Variants in TTL observed in about 807,000 individuals in gnomAD.
TTL encodes the protein tubulin--tyrosine ligase.
TTL carries 10 observed loss-of-function variants against 41.1 expected under a neutral mutation model. The observed-to-expected ratio is 0.24, with a 90% CI of 0.15 to 0.41. The LOEUF is 0.41. Ranked by LOEUF, TTL falls within the 10% of genes least tolerant of loss-of-function variation. The probability of loss-of-function intolerance (pLI) is 1.00; values close to 1 mark genes in which losing one functional copy is unlikely to be tolerated. For missense variants in TTL, 367 were observed against 460.4 expected (o/e 0.80, Z 1.86); for synonymous variants, 175 against 175.5 (o/e 1.00, Z 0.02).
At chr2:112,514,946 C>T (rs187402791) in intron 5 of TTL, among the ~76,000 whole-genome samples, 1 of 152,236 alleles carries the variant, frequency 6.6e-6, no homozygotes, top group East Asian at 1.9e-4. Flanking sequence ...TTTGCTAATC[C>T]TTTCTTTATC....
chr2:112,514,107 G>A (rs1384240313), intron 5 of TTL, among the ~76,000 whole-genome samples: 1 of 152,016 alleles, frequency 6.6e-6, no homozygotes, highest in Non-Finnish European at 1.5e-5. Flanking sequence ...TTTTAGGCCA[G>A]GCGCGGCACC....
At chr2:112,483,421 T>A (rs560541363) in intron 1 of TTL, 7 of 152,378 alleles carry the variant, frequency 4.6e-5, no homozygotes, top group South Asian at 4.1e-4. Context: ...AATTGCATCT[T>A]CTCTCCGGGG....
chr2:112,499,904 A>G (rs1278627922), intron 3 of TTL, among the ~76,000 whole-genome samples: 1 of 152,262 alleles, frequency 6.6e-6, no homozygotes, highest in Non-Finnish European at 1.5e-5. Flanking sequence ...AATTGAAAAT[A>G]TATGTTCATA....
intron 2 of TTL, among the ~76,000 whole-genome samples, chr2:112,491,195 G>A (rs1463510165): frequency 1.3e-5 from 2 of 151,860 alleles, no homozygotes; most frequent in Admixed American, 6.6e-5. Context: ...GTTTCACCGC[G>A]TTAGCCAGGA....
chr2:112,534,019 A>C lies in TTL; in HGVS notation c.*5224A>C, dbSNP rs920785804. ...AGAACACTAGCAAAACTGTCTAGAC[A>C]TTAACCAGAGGCTTGCAGCAATCCA... On this transcript the variant is annotated 3_prime_UTR_variant, in exon 7 of 7. Coordinates refer to ENST00000233336, the MANE Select transcript of TTL (RefSeq NM_153712.5). 6.6e-6 allele frequency: 1 copy of C among 152,204 alleles called. No homozygotes were observed. The highest frequency in any genetic ancestry group is 1.5e-5 in the Non-Finnish European group (1 of 68,056). 9.4% of individuals were successfully genotyped at this position (152,204 alleles called of 1,614,324 possible).
At chr2:112,488,959 C>A (rs1016379786) in intron 2 of TTL, among the ~76,000 whole-genome samples, 2 of 148,394 alleles carry the variant, frequency 1.3e-5, no homozygotes, top group African/African-American at 5.0e-5. Context: ...TGGTGGCAGG[C>A]GCCTGTAGTC....
chr2:112,497,436 G>A (rs1681563463), intron 3 of TTL, among the ~76,000 whole-genome samples: 2 of 152,200 alleles, frequency 1.3e-5, no homozygotes, highest in South Asian at 4.2e-4. Context: ...CTTTTTCAAA[G>A]GGCCGTGAGC....
At chr2:112,501,862 G>A (rs1164550175) in intron 4 of TTL, among the ~76,000 whole-genome samples, 3 of 43,800 alleles carry the variant, frequency 6.8e-5, no homozygotes, top group Non-Finnish European at 1.4e-4. Context: ...TGAGACTCCT[G>A]TGTCAAAAAA....
rs1056172654 is a variant in TTL at position 112,532,523 on chromosome 2, G to A, written c.*3728G>A. ...GGTGGCATGTGGTGGTGGCTGAGGT[G>A]GGAGGATCGCTTGAGGCTGAGGTGT... On this transcript the variant is annotated 3_prime_UTR_variant, in exon 7 of 7. Coordinates refer to ENST00000233336, the MANE Select transcript of TTL (RefSeq NM_153712.5). 4.7e-6 allele frequency: 1 copy of A among 211,022 alleles called. No homozygotes were observed. Among genetic ancestry groups the A allele is most frequent in the African/African-American group, 2.3e-5 (1 of 44,050 alleles). The allele number at this position is 211,022 out of a possible 1,614,324, so 13.1% of individuals were successfully genotyped here. A position where few individuals can be genotyped will look rare whatever the true frequency, so the allele number is the denominator to read the frequency against.
At chr2:112,526,621 A>T (rs960971755) in intron 6 of TTL, among the ~76,000 whole-genome samples, 1 of 152,138 alleles carries the variant, frequency 6.6e-6, no homozygotes, top group African/African-American at 2.4e-5. Flanking sequence ...TTTCTGTGGG[A>T]TCAGTGGTGA....
At chr2:112,513,640 T>C (rs1681988441) in intron 5 of TTL, among the ~76,000 whole-genome samples, 1 of 149,434 alleles carries the variant, frequency 6.7e-6, no homozygotes, top group Non-Finnish European at 1.5e-5. Flanking sequence ...AGTATGAATA[T>C]TTATACAAGT....
rs1353501138 is a variant in TTL, at chr2:112,538,816, T to C, written c.*10021T>C. On this transcript the variant is annotated 3_prime_UTR_variant, in exon 7 of 7. Transcript: ENST00000233336. Reference sequence around the variant, plus strand: ...GTGGGAGCTAAACATTGGGTACACATGGACATAAAGTTGGGAAGAGGCCAG... The same window carrying C: ...GTGGGAGCTAAACATTGGGTACACACGGACATAAAGTTGGGAAGAGGCCAG... 1 of 151,716 alleles carries C rather than the reference T, an allele frequency of 6.6e-6. No individual in the cohort carries two copies. The highest frequency in any genetic ancestry group is 1.5e-5 in the Non-Finnish European group (1 of 67,948). 9.4% of individuals were successfully genotyped at this position (151,716 alleles called of 1,614,324 possible).
At chr2:112,494,496 TTATA>T in intron 3 of TTL, 121 bp downstream of exon 3, 1 of 747,818 alleles carries the variant, frequency 1.3e-6, no homozygotes, top group South Asian at 1.8e-5. Context: ...AGTTACATAG[TTATA>T]AATACCCATC....
intron 3 of TTL, 96 bp downstream of exon 3, chr2:112,494,471 G>A: frequency 1.1e-6 from 1 of 944,260 alleles, no homozygotes; most frequent in East Asian, 2.6e-5. Flanking sequence ...ATCATCGAAG[G>A]TTGAGACCGT....
In TTL at chr2:112,514,204, A is replaced by C. The variant is rs565423837; in HGVS notation, c.876-6078A>C. ...TTCAAGACCAGCCTGATACATGCTG[A>C]AACCCCATCTCTACCAAAATATGCA... On this transcript the variant is annotated intron_variant, in intron 5 of 6. Coordinates refer to ENST00000233336, the MANE Select transcript of TTL (RefSeq NM_153712.5). Among the ~76,000 whole-genome samples the C allele has an allele frequency of 3.3e-5, 5 of 152,232 alleles. No individual in the cohort carries two copies. In the East Asian group the frequency reaches 9.6e-4, roughly 29 times the overall value.
intron 6 of TTL, among the ~76,000 whole-genome samples, chr2:112,526,492 A>C (rs760789778): frequency 6.6e-6 from 1 of 152,152 alleles, no homozygotes; most frequent in Non-Finnish European, 1.5e-5. Flanking sequence ...TCAGGGATTC[A>C]ACTTCTTCCT....
chr2:112,519,844 A>C (rs2104472901), intron 5 of TTL, among the ~76,000 whole-genome samples: 1 of 152,088 alleles, frequency 6.6e-6, no homozygotes, highest in East Asian at 1.9e-4. Context: ...GAAAAGAGAG[A>C]ATTAGGCCGG....
chr2:112,485,715 C>A (rs762727113), intron 1 of TTL, among the ~76,000 whole-genome samples: 3 of 152,138 alleles, frequency 2.0e-5, no homozygotes, highest in Non-Finnish European at 2.9e-5. Context: ...GATATAATAT[C>A]CACTGTGGGG....
rs544924124 is a variant in TTL, at chr2:112,482,853, C to G, written c.157+352C>G. ...AAGCCCCCAGATTTGGCGGGTCCGC[C>G]GCGCTGGGCGCGGCTCCGCAGAGCG... On this transcript the variant is annotated intron_variant, in intron 1 of 6. Transcript: ENST00000233336. This position sits in a 1 kb window ranked among gnomAD's most constrained non-coding sequence, Gnocchi z 5.3. Among the ~76,000 whole-genome samples the G allele has an allele frequency of 3.3e-5, 5 of 152,286 alleles. No homozygotes were observed. In the South Asian group the frequency reaches 8.3e-4, roughly 25 times the overall value.
Sources: allele counts gnomAD v4.1 joint callset (sites outside exome capture counted in the v4.1 genomes callset), GRCh38; gene constraint gnomAD v4.1.1; non-coding constraint Gnocchi (gnomAD v3.1); transcripts MANE v1.5; gene names NCBI Gene and HGNC (gene_info 2026-07-23, HGNC 2026-07-21).